DOCK5: variants seen among roughly 807,000 people sequenced by gnomAD.
DOCK5 encodes the protein dedicator of cytokinesis 5, also known as dedicator of cytokinesis protein 5.
A neutral mutation model predicts 251.8 loss-of-function variants in DOCK5; 142 were observed. The observed-to-expected ratio is 0.56, with a 90% CI of 0.49 to 0.65. DOCK5 has a LOEUF of 0.65. Among genes scored for constraint, DOCK5 ranks in the 30% least tolerant of loss-of-function variants. DOCK5 has a pLI of 0.00. For synonymous variants in DOCK5, 842 were observed against 835.5 expected (o/e 1.01, Z -0.13); for missense variants, 2,111 against 2,312.3 (o/e 0.91, Z 1.79).
intron 22 of DOCK5, among the ~76,000 whole-genome samples, chr8:25,336,721 CAG>C (rs1805818894): frequency 6.6e-6 from 1 of 152,172 alleles, no homozygotes; most frequent in South Asian, 2.1e-4. Flanking sequence ...GCAGTCATCT[CAG>C]GGGAGGTGTT....
At chr8:25,208,643 A>G (rs989124806) in intron 1 of DOCK5, among the ~76,000 whole-genome samples, 2 of 152,242 alleles carry the variant, frequency 1.3e-5, no homozygotes, top group Non-Finnish European at 2.9e-5. Context: ...ACATAATGCT[A>G]TTACACACTT....
chr8:25,249,344 T>C (rs568355150), intron 2 of DOCK5, among the ~76,000 whole-genome samples: 11 of 152,270 alleles, frequency 7.2e-5, no homozygotes, highest in African/African-American at 2.6e-4. Context: ...TTTCTTGAGA[T>C]ATAATTCAAA....
intron 2 of DOCK5, among the ~76,000 whole-genome samples, chr8:25,260,666 T>C (rs1803553595): frequency 6.6e-6 from 1 of 152,206 alleles, no homozygotes; most frequent in Non-Finnish European, 1.5e-5. Flanking sequence ...TCCTTCCTCC[T>C]TGAAGACAAT....
rs1805803670 is a variant in DOCK5 at position 25,336,276 on chromosome 8, G to A, written c.2230G>A (p.Ala744Thr). ...GGTACTGAACTTCTATGTGGCTAAT[G>A]CAGATGACTCCAGCAAGACTGAACT... ...SKVLNFYVAN[A>T]DDSSKTELLF... is the part of the protein sequence containing the mutation. The change falls in exon 22 of 52, where the codon GCA becomes ACA. Residue 744 changes from alanine to threonine, a missense_variant. Ala to Thr is a moderately conservative substitution (Grantham distance 58). Around this residue, in one of 3 missense-constraint regions of DOCK5, gnomAD observed 1,717 missense variants for 1,892.4 expected, o/e 0.91. Coordinates refer to ENST00000276440, the MANE Select transcript of DOCK5 (RefSeq NM_024940.8). 1 of 1,613,696 alleles carries A rather than the reference G, an allele frequency of 6.2e-7. No individual in the cohort carries two copies. Among genetic ancestry groups the A allele is most frequent in the African/African-American group, 1.3e-5 (1 of 74,892 alleles).
intron 21 of DOCK5, among the ~76,000 whole-genome samples, chr8:25,335,274 T>G (rs1269952305): frequency 6.6e-6 from 1 of 152,150 alleles, no homozygotes; most frequent in Non-Finnish European, 1.5e-5. Context: ...CACATCCAGG[T>G]GGGCAATAGC....
At chr8:25,218,279 G>A (rs966779940) in intron 1 of DOCK5, among the ~76,000 whole-genome samples, 23 of 152,168 alleles carry the variant, frequency 1.5e-4, no homozygotes, top group African/African-American at 5.3e-4. Context: ...GACAGGAATG[G>A]AGTGTGGAAT....
rs182078168 is a variant in DOCK5, at chr8:25,388,459, T to A, written c.4132-632T>A. Among the ~76,000 whole-genome samples, 5 of 152,178 alleles carry A rather than the reference T, an allele frequency of 3.3e-5. No homozygotes were observed. In the South Asian group the frequency reaches 6.2e-4, roughly 19 times the overall value. On this transcript the variant is annotated intron_variant, in intron 40 of 51. Coordinates refer to ENST00000276440, the MANE Select transcript of DOCK5 (RefSeq NM_024940.8). Reference sequence around the variant, plus strand: ...AATCTCTTTGGGGAAAAAAAAATGATTAAAGAGATTATATTTACAGTCTAG... The same window carrying A: ...AATCTCTTTGGGGAAAAAAAAATGAATAAAGAGATTATATTTACAGTCTAG...
chr8:25,291,158 C>G (rs1804475469), intron 5 of DOCK5, among the ~76,000 whole-genome samples: 1 of 152,050 alleles, frequency 6.6e-6, no homozygotes, highest in Non-Finnish European at 1.5e-5. Flanking sequence ...TTGAGACTCA[C>G]TGGAGGGCTT....
At chr8:25,273,373 T>C (rs1586284914) in intron 3 of DOCK5, among the ~76,000 whole-genome samples, 1 of 152,232 alleles carries the variant, frequency 6.6e-6, no homozygotes, top group East Asian at 1.9e-4. Context: ...TGAGGTGAGC[T>C]GATCACTTGA....
At chr8:25,278,745 C>T in intron 5 of DOCK5, 80 bp downstream of exon 5, 1 of 1,303,276 alleles carries the variant, frequency 7.7e-7, no homozygotes, top group Non-Finnish European at 1.1e-6. Context: ...GTGTTGGCCC[C>T]TTATTGCTGA....
At chr8:25,292,242 T>A in intron 6 of DOCK5, 70 bp downstream of exon 6, 1 of 1,431,086 alleles carries the variant, frequency 7.0e-7, no homozygotes, top group Non-Finnish European at 9.2e-7. Flanking sequence ...CTAATGACAC[T>A]GTTTGCAGCG....
chr8:25,390,674 C>T (rs898495802), intron 42 of DOCK5, among the ~76,000 whole-genome samples: 6 of 152,136 alleles, frequency 3.9e-5, no homozygotes, highest in Non-Finnish European at 8.8e-5. Flanking sequence ...CCAAAAGCAT[C>T]GCAGAGGAGT....
intron 45 of DOCK5, 78 bp from the exon 46 acceptor site, chr8:25,399,833 C>G: frequency 9.2e-7 from 1 of 1,084,072 alleles, no homozygotes; most frequent in Non-Finnish European, 1.4e-6. Flanking sequence ...CCGCACAGGA[C>G]ACATGTTTCA....
chr8:25,382,268 C>T lies in DOCK5; in HGVS notation c.4027-406C>T, dbSNP rs148869562. Reference sequence around the variant, plus strand: ...CAAGGATTATAGGCGTGAGCCACTGCGCCTGGCCTTGGAAGGTTCTTTATC... The same window carrying T: ...CAAGGATTATAGGCGTGAGCCACTGTGCCTGGCCTTGGAAGGTTCTTTATC... On this transcript the variant is annotated intron_variant, in intron 39 of 51. Transcript: ENST00000276440. 5.3e-4 allele frequency among the ~76,000 whole-genome samples: 80 copies of T among 152,300 alleles called. No individual in the cohort carries two copies. The East Asian group carries it at 0.014, about 26-fold the overall frequency.
chr8:25,260,993 G>A (rs1281822695), intron 2 of DOCK5, among the ~76,000 whole-genome samples: 2 of 151,804 alleles, frequency 1.3e-5, no homozygotes, highest in Non-Finnish European at 2.9e-5. Flanking sequence ...TGTGGAGACA[G>A]GATTTTGGCT....
chr8:25,302,718 A>G (rs1804798362), intron 10 of DOCK5, among the ~76,000 whole-genome samples: 1 of 152,214 alleles, frequency 6.6e-6, no homozygotes, highest in South Asian at 2.1e-4. Context: ...ACAATGGAAT[A>G]ATACTCGCCT....
intron 45 of DOCK5, among the ~76,000 whole-genome samples, chr8:25,398,567 T>C (rs1286238467): frequency 1.3e-5 from 2 of 152,186 alleles, no homozygotes; most frequent in Non-Finnish European, 2.9e-5. Context: ...CTTCCAAGGA[T>C]GTGTGAAAGA....
chr8:25,307,305 G>C (rs1414957270), intron 11 of DOCK5, among the ~76,000 whole-genome samples: 1 of 152,022 alleles, frequency 6.6e-6, no homozygotes, highest in Non-Finnish European at 1.5e-5. Context: ...TTTTAGTAGA[G>C]ACGGGGTTTC....
intron 37 of DOCK5, 62 bp downstream of exon 37, chr8:25,374,716 C>G: frequency 6.2e-7 from 1 of 1,612,552 alleles, no homozygotes; most frequent in Non-Finnish European, 8.5e-7. Flanking sequence ...AGACTAAATT[C>G]TATACATTTC....
Sources: gnomAD v4.1 joint callset for allele counts (sites outside exome capture counted in the v4.1 genomes callset) on GRCh38, gnomAD v4.1.1 for gene constraint, gnomAD v4.1.1 regional missense constraint, MANE v1.5 for transcripts, NCBI Gene and HGNC (gene_info 2026-07-23, HGNC 2026-07-21) for gene names.